Variants in ELFN1 observed in about 807,000 individuals in gnomAD.
ELFN1 encodes protein ELFN1.
ELFN1 carries 6 observed loss-of-function variants against 7.6 expected under a neutral mutation model. The observed-to-expected ratio is 0.79, with a 90% CI of 0.43 to 1.56. The LOEUF (loss-of-function observed/expected upper bound fraction) is 1.56, where lower values mean the gene tolerates loss of function less well. Ranked by LOEUF, ELFN1 falls within the 40% of genes most tolerant of loss-of-function variation. The pLI is 0.01. For missense variants in ELFN1, 1,169 were observed against 1,232.2 expected, an observed-to-expected ratio of 0.95 and a Z score of 0.77; for synonymous variants, 657 against 588.1, an observed-to-expected ratio of 1.12 and a Z score of -1.70.
At position 1,670,535 on chromosome 7, in the gene ELFN1, A is replaced by G. The variant is rs1413270447; in HGVS notation, c.-549+181A>G. Among the ~76,000 whole-genome samples the G allele has an allele frequency of 6.6e-6, 1 of 151,476 alleles. No homozygotes were observed. Among genetic ancestry groups the G allele is most frequent in the Non-Finnish European group, 1.5e-5 (1 of 67,810 alleles). On this transcript the variant is annotated intron_variant, in intron 1 of 3. Coordinates refer to ENST00000424383, the MANE Select transcript of ELFN1 (RefSeq NM_001128636.4). This position sits in a 1 kb window ranked among gnomAD's most constrained non-coding sequence, Gnocchi z 6.4. ...GCGCGCGATCCGAGCGCAGCGGGCA[A>G]AGTTGGAGGAACTTGGCGGCGGCGG...
In ELFN1 at chr7:1,746,509, C is replaced by CCAG. The variant is rs1780798402; in HGVS notation, c.1916_1918dup (p.Ser639dup). 6.8e-7 allele frequency: 1 copy of CCAG among 1,480,384 alleles called. No individual in the cohort carries two copies. Among genetic ancestry groups the CCAG allele is most frequent in the Non-Finnish European group, 8.9e-7 (1 of 1,124,862 alleles). 91.7% of individuals were successfully genotyped at this position (1,480,384 alleles called of 1,614,324 possible). A position where few individuals can be genotyped will look rare whatever the true frequency, so the allele number is the denominator to read the frequency against. The stretch of plus-strand genomic sequence containing the variant: ...GTGGAGGCCGCCGGGCCCCCTCGTG[C>CCAG]CAGCACCTCGTCCAGCGGCTCCGTG... On this transcript the variant is annotated inframe_insertion, in exon 4 of 4. Coordinates refer to ENST00000424383, the MANE Select transcript of ELFN1 (RefSeq NM_001128636.4).
intron 1 of ELFN1, among the ~76,000 whole-genome samples, chr7:1,677,833 G>T (rs184818734): frequency 6.6e-6 from 1 of 152,048 alleles, no homozygotes; most frequent in Non-Finnish European, 1.5e-5. Flanking sequence ...TGCAGGGAGC[G>T]TGTGGAGCTC....
intron 2 of ELFN1, chr7:1,693,401 T>C (rs536249949): frequency 2.8e-5 from 13 of 471,028 alleles, no homozygotes; most frequent in Non-Finnish European, 5.7e-5. Flanking sequence ...CTGGTGTGCC[T>C]GAGTAGGTAT....
In ELFN1 at chr7:1,746,327, G is replaced by A. The variant is rs1780788363; in HGVS notation, c.1731G>A (p.Lys577=). The A allele has an allele frequency of 1.3e-6, 2 of 1,555,084 alleles. No individual in the cohort carries two copies. The highest frequency in any genetic ancestry group is 2.4e-5 in the South Asian group (2 of 84,280). The change falls in exon 4 of 4, where the codon AAG becomes AAA. Residue 577 remains lysine (K), a synonymous_variant. Coordinates refer to ENST00000424383, the MANE Select transcript of ELFN1 (RefSeq NM_001128636.4). ...QIINNCIDAL[K]SESTSFQGVK... Reference sequence around the variant, plus strand: ...TCAACAACTGCATCGACGCGCTCAAGTCCGAGTCCACCTCCTTCCAGGGCG... The same window carrying A: ...TCAACAACTGCATCGACGCGCTCAAATCCGAGTCCACCTCCTTCCAGGGCG...
In ELFN1 at chr7:1,691,645, C is replaced by T. The variant is rs1000075173; in HGVS notation, c.-456+3495C>T. ...GCCCAGGCCTGACCCACTGCCAGCT[C>T]TGCATCCCACAAGCTGGCCACCGGG... On this transcript the variant is annotated intron_variant, in intron 2 of 3. Coordinates refer to ENST00000424383, the MANE Select transcript of ELFN1 (RefSeq NM_001128636.4). Among the ~76,000 whole-genome samples, 3 of 152,330 alleles carry T rather than the reference C, an allele frequency of 2.0e-5. No individual in the cohort carries two copies. The East Asian group carries it at 5.8e-4, about 29-fold the overall frequency.
intron 3 of ELFN1, among the ~76,000 whole-genome samples, chr7:1,716,782 G>A (rs769195797): frequency 1.9e-4 from 29 of 152,328 alleles, no homozygotes; most frequent in Admixed American, 4.6e-4. Flanking sequence ...GTCAGAGAGC[G>A]TGCAGGGGAA....
chr7:1,676,301 C>T (rs1003840535), intron 1 of ELFN1, among the ~76,000 whole-genome samples: 6 of 152,158 alleles, frequency 3.9e-5, no homozygotes, highest in African/African-American at 7.2e-5. Flanking sequence ...TGGAAGGGCC[C>T]GGCCTCTGCC....
At chr7:1,677,955 A>G (rs567029465) in intron 1 of ELFN1, among the ~76,000 whole-genome samples, 13 of 152,206 alleles carry the variant, frequency 8.5e-5, no homozygotes, top group African/African-American at 2.4e-4. Context: ...TCTGACAGAC[A>G]TCCGGGCTTA....
rs1240004648 is a variant in ELFN1 at position 1,746,697 on chromosome 7, G to A, written c.2101G>A (p.Gly701Ser). 6.8e-6 allele frequency: 10 copies of A among 1,461,524 alleles called. No individual in the cohort carries two copies. Among genetic ancestry groups the A allele is most frequent in the South Asian group, 2.6e-5 (2 of 76,996 alleles). 90.5% of individuals were successfully genotyped at this position (1,461,524 alleles called of 1,614,324 possible). ...RAEAEKGRQYGEHRHSYPGSH... is the reference protein window; with the variant it reads ...RAEAEKGRQYSEHRHSYPGSH... Reference sequence around the variant, plus strand: ...CGAGGCCGAGAAGGGTCGCCAGTACGGCGAGCACCGGCACTCGTACCCCGG... The same window carrying A: ...CGAGGCCGAGAAGGGTCGCCAGTACAGCGAGCACCGGCACTCGTACCCCGG... Residue 701 changes from glycine to serine, a missense_variant, in exon 4 of 4, where the codon GGC becomes AGC. This residue lies in a region of ELFN1 where 914 missense variants were observed against 872.6 expected (regional missense o/e 1.05). Transcript: ENST00000424383.
At chr7:1,714,217 C>T (rs1583352468) in intron 3 of ELFN1, among the ~76,000 whole-genome samples, 1 of 152,170 alleles carries the variant, frequency 6.6e-6, no homozygotes, top group African/African-American at 2.4e-5. Flanking sequence ...GGAAACCCAT[C>T]GCCTGTCTCC....
At chr7:1,686,318 T>G (rs551534051) in intron 1 of ELFN1, among the ~76,000 whole-genome samples, 8 of 149,800 alleles carry the variant, frequency 5.3e-5, no homozygotes, top group South Asian at 4.3e-4. Flanking sequence ...CTTGTTTTTT[T>G]TTTTTTTTTT....
rs143376319 is a variant in ELFN1 at position 1,747,302 on chromosome 7, CCA to C, written c.*251_*252del. On this transcript the variant is annotated 3_prime_UTR_variant, in exon 4 of 4. Transcript: ENST00000424383. ...GCTTGTCGCCCCGGGTGGCACGTGT[CCA>C]CACACACACACACACACACACACAC... 2.7e-3 allele frequency: 721 copies of C among 269,474 alleles called. No individual in the cohort carries two copies. The highest frequency in any genetic ancestry group is 6.7e-3 in the Middle Eastern group (6 of 900). 16.7% of individuals were successfully genotyped at this position (269,474 alleles called of 1,614,324 possible).
rs947178240 is a variant in ELFN1, at chr7:1,695,196, C to G, written c.-456+7046C>G. The stretch of plus-strand genomic sequence containing the variant: ...CTGGGGCTGTGAGGGTTCTGTCCAT[C>G]CACCAGGAAGGCCACCAGGACCCTG... On this transcript the variant is annotated intron_variant, in intron 2 of 3. Transcript: ENST00000424383. This position sits in a 1 kb window ranked among gnomAD's most constrained non-coding sequence, Gnocchi z 5.1. Among the ~76,000 whole-genome samples, 1 of 152,224 alleles carries G rather than the reference C, an allele frequency of 6.6e-6. No homozygotes were observed. Among genetic ancestry groups the G allele is most frequent in the African/African-American group, 2.4e-5 (1 of 41,454 alleles).
Position 1,705,109 on chromosome 7 carries a change from A to T in ELFN1, c.-455-3982A>T, listed in dbSNP as rs1344179347. On this transcript the variant is annotated intron_variant, in intron 2 of 3. Transcript: ENST00000424383. The surrounding 1 kb of genome is among the most constrained non-coding windows in gnomAD (Gnocchi z 4.3). ...GAACAGAGGGACACCCAGTGGCCAA[A>T]GGGCAGAGCCCGCAGGAGGTAACAG... Among the ~76,000 whole-genome samples the T allele has an allele frequency of 1.3e-5, 2 of 152,068 alleles. No individual in the cohort carries two copies. Among genetic ancestry groups the T allele is most frequent in the African/African-American group, 4.8e-5 (2 of 41,408 alleles).
intron 3 of ELFN1, among the ~76,000 whole-genome samples, chr7:1,713,185 G>A (rs1043738608): frequency 2.6e-5 from 4 of 152,178 alleles, no homozygotes; most frequent in Non-Finnish European, 4.4e-5. Context: ...CTTCTCTCTC[G>A]CTTCAGCCCC....
chr7:1,699,807 G>A (rs528033671), intron 2 of ELFN1, among the ~76,000 whole-genome samples: 22 of 152,210 alleles, frequency 1.4e-4, no homozygotes, highest in Admixed American at 3.3e-4. Flanking sequence ...AGGTTCAAGC[G>A]ATTCTCCTGC....
intron 3 of ELFN1, among the ~76,000 whole-genome samples, chr7:1,713,711 G>A (rs1348947447): frequency 6.6e-6 from 1 of 152,154 alleles, no homozygotes; most frequent in East Asian, 1.9e-4. Flanking sequence ...CTCTCTGCAA[G>A]CCCCTTCCCC....
chr7:1,722,384 A>T (rs1246114607), intron 3 of ELFN1, among the ~76,000 whole-genome samples: 1 of 150,440 alleles, frequency 6.6e-6, no homozygotes, highest in Admixed American at 6.7e-5. Context: ...CTCCTGCCTC[A>T]GCCTCTCAAG....
intron 3 of ELFN1, among the ~76,000 whole-genome samples, chr7:1,721,117 A>G (rs1780008756): frequency 6.6e-6 from 1 of 152,262 alleles, no homozygotes; most frequent in Non-Finnish European, 1.5e-5. Flanking sequence ...GCATTACTGT[A>G]ATGAGCTCTC....
Sources: gnomAD v4.1 joint callset for allele counts (sites outside exome capture counted in the v4.1 genomes callset) on GRCh38, gnomAD v4.1.1 for gene constraint, gnomAD v4.1.1 regional missense constraint, Gnocchi (gnomAD v3.1) non-coding constraint, MANE v1.5 for transcripts, NCBI Gene and HGNC (gene_info 2026-07-23, HGNC 2026-07-21) for gene names.